The following RUFY3 variants were observed in gnomAD, a reference collection of about 807,000 sequenced individuals.
The protein encoded by RUFY3 is protein RUFY3.
Under a neutral mutation model 84.0 loss-of-function variants are expected in RUFY3, and 34 were observed. The ratio of observed to expected loss-of-function variants is 0.40; its 90% CI spans 0.31 to 0.54. The LOEUF (loss-of-function observed/expected upper bound fraction) is 0.54, where lower values mean the gene tolerates loss of function less well. RUFY3 is among the 20% of genes least tolerant of loss of function. The pLI is 0.39. For missense variants in RUFY3, 507 were observed against 736.8 expected, an observed-to-expected ratio of 0.69 and a Z score of 3.61; for synonymous variants, 242 against 252.9, an observed-to-expected ratio of 0.96 and a Z score of 0.41.
At chr4:70,720,605 T>G (rs915971002), upstream of RUFY3, among the ~76,000 whole-genome samples, 1 of 152,212 alleles carries the variant, frequency 6.6e-6, no homozygotes, top group African/African-American at 2.4e-5. Flanking sequence ...TTAACAATAT[T>G]CAAGGAGAAT....
At chr4:70,793,374 G>A in intron 12 of RUFY3, 2 of 1,028,770 alleles carry the variant, frequency 1.9e-6, no homozygotes, top group Non-Finnish European at 2.3e-6. Context: ...TTCCAGTTAT[G>A]TGTGTAAAAC....
intron 1 of RUFY3, among the ~76,000 whole-genome samples, chr4:70,733,873 A>G (rs1370093209): frequency 1.3e-5 from 2 of 152,218 alleles, no homozygotes; most frequent in Admixed American, 6.5e-5. Context: ...CAAATATTCT[A>G]CAAGAGGACA....
rs546870380 is a variant in RUFY3, at chr4:70,791,081, C to G, written c.1337+1489C>G. The G allele has an allele frequency of 2.4e-5, 17 of 721,710 alleles. No homozygotes were observed. The South Asian group carries it at 2.8e-4, about 12-fold the overall frequency. 44.7% of individuals were successfully genotyped at this position (721,710 alleles called of 1,614,324 possible). On this transcript the variant is annotated intron_variant, in intron 12 of 17. Transcript: ENST00000381006. The stretch of plus-strand genomic sequence containing the variant: ...AAATTTCTTTTCAATGATGTTTTGA[C>G]TTGGAATTTAAAGCAAACAGAAAGA...
In RUFY3 at chr4:70,806,786, C is replaced by G; in HGVS notation, c.*127C>G. The G allele has an allele frequency of 8.4e-7, 1 of 1,192,150 alleles. No homozygotes were observed. The highest frequency in any genetic ancestry group is 1.2e-6 in the Non-Finnish European group (1 of 858,372). 73.8% of individuals were successfully genotyped at this position (1,192,150 alleles called of 1,614,324 possible). ...AAGAGTTGATAGGAATTTACTAGGT[C>G]CAGGGAGAAAAGGCAGTGGTTGGGG... is the stretch of plus-strand genomic sequence containing the variant. On this transcript the variant is annotated 3_prime_UTR_variant, in exon 18 of 18. Coordinates refer to ENST00000381006, the MANE Select transcript of RUFY3 (RefSeq NM_001037442.4).
At chr4:70,735,223 G>A (rs1444052120) in intron 1 of RUFY3, among the ~76,000 whole-genome samples, 1 of 152,114 alleles carries the variant, frequency 6.6e-6, no homozygotes, top group African/African-American at 2.4e-5. Flanking sequence ...TTTTTTGATG[G>A]TGCCCCTCCT....
intron 1 of RUFY3, among the ~76,000 whole-genome samples, chr4:70,741,005 G>A (rs1263294375): frequency 6.6e-6 from 1 of 152,082 alleles, no homozygotes; most frequent in African/African-American, 2.4e-5. Context: ...CTTGATTGTA[G>A]GTTACTGCCT....
At chr4:70,733,896 A>G (rs1004255934) in intron 1 of RUFY3, among the ~76,000 whole-genome samples, 1 of 152,210 alleles carries the variant, frequency 6.6e-6, no homozygotes, top group Non-Finnish European at 1.5e-5. Context: ...TTACTCTAAT[A>G]TGAAAACAAA....
At chr4:70,729,220 T>C (rs997416127) in intron 1 of RUFY3, among the ~76,000 whole-genome samples, 1 of 152,180 alleles carries the variant, frequency 6.6e-6, no homozygotes, top group African/African-American at 2.4e-5. Context: ...TACTCAGTAG[T>C]CATGTGACGT....
intron 12 of RUFY3, chr4:70,792,862 T>C (rs1037727544): frequency 4.2e-5 from 41 of 985,262 alleles, no homozygotes; most frequent in Middle Eastern, 5.2e-4. Flanking sequence ...TTAATTCTTA[T>C]AATTTGCACC....
chr4:70,762,620 C>G lies in RUFY3; in HGVS notation c.280C>G (p.Leu94Val). ...ATCAGCTCTGAACCTGGGGAGGACT[C>G]TTGACTCTGACTATGCACCTCTCCA... ...IESALNLGRTLDSDYAPLQQF... is the reference protein window; with the variant it reads ...IESALNLGRTVDSDYAPLQQF... Residue 94 changes from leucine (L) to valine (V), a missense_variant, in exon 2 of 18, where the codon CTT (leucine) becomes GTT (valine). Physicochemically the swap from Leu to Val is conservative, Grantham distance 32. Coordinates refer to ENST00000381006, the MANE Select transcript of RUFY3 (RefSeq NM_001037442.4). 1 of 1,614,012 alleles carries G rather than the reference C, an allele frequency of 6.2e-7. No homozygotes were observed. The highest frequency in any genetic ancestry group is 8.5e-7 in the Non-Finnish European group (1 of 1,179,990).
chr4:70,717,999 CAGCCTCCTGAGTA>C (rs1741818196), upstream of RUFY3, among the ~76,000 whole-genome samples: 1 of 150,820 alleles, frequency 6.6e-6, no homozygotes, highest in African/African-American at 2.4e-5. Context: ...TCTCCTGCCT[CAGCCTCCTGAGTA>C]GCTGGGATTA....
chr4:70,715,352 G>C (rs1295443502), intron 1 of RUFY3, among the ~76,000 whole-genome samples: 2 of 152,106 alleles, frequency 1.3e-5, no homozygotes, highest in Non-Finnish European at 2.9e-5. Flanking sequence ...GGGAGGCCGA[G>C]GCACGTGGAT....
upstream of RUFY3, among the ~76,000 whole-genome samples, chr4:70,717,029 CA>C (rs1225472028): frequency 6.6e-6 from 1 of 151,860 alleles, no homozygotes; most frequent in Non-Finnish European, 1.5e-5. Flanking sequence ...ACACGAAATT[CA>C]GAAGGTTACC....
intron 1 of RUFY3, among the ~76,000 whole-genome samples, chr4:70,756,154 G>C (rs1469733787): frequency 1.3e-5 from 2 of 152,112 alleles, no homozygotes; most frequent in African/African-American, 4.8e-5. Flanking sequence ...ACTATGTCCA[G>C]ATAGTCAAGC....
At chr4:70,798,571 C>G (rs542661368) in intron 14 of RUFY3, among the ~76,000 whole-genome samples, 141 of 152,194 alleles carry the variant, frequency 9.3e-4, no homozygotes, top group Admixed American at 2.4e-3. Context: ...TGCCTGAGCC[C>G]AGGAGTTTGA....
At chr4:70,758,028 T>G (rs1447393960) in intron 1 of RUFY3, among the ~76,000 whole-genome samples, 1 of 152,214 alleles carries the variant, frequency 6.6e-6, no homozygotes, top group Non-Finnish European at 1.5e-5. Context: ...TAACAGAATC[T>G]TTTTTTACTT....
chr4:70,795,189 A>G (rs1485156816), intron 14 of RUFY3, among the ~76,000 whole-genome samples: 1 of 152,208 alleles, frequency 6.6e-6, no homozygotes, highest in Non-Finnish European at 1.5e-5. Context: ...CTTAACAAAA[A>G]TATATGTTTC....
At chr4:70,732,449 C>T (rs1719428256) in intron 1 of RUFY3, among the ~76,000 whole-genome samples, 1 of 152,176 alleles carries the variant, frequency 6.6e-6, no homozygotes, top group Admixed American at 6.5e-5. Context: ...TGTAAAGACA[C>T]ATGCACACGT....
intron 16 of RUFY3, 129 bp from the exon 17 acceptor site, chr4:70,804,219 T>C (rs1281756146): frequency 1.8e-5 from 12 of 665,626 alleles, no homozygotes; most frequent in Middle Eastern, 2.7e-4. Context: ...ACTACCTATT[T>C]ATAATTGGTT....
Sources: gnomAD v4.1 joint callset for allele counts (sites outside exome capture counted in the v4.1 genomes callset) on GRCh38, gnomAD v4.1.1 for gene constraint, MANE v1.5 for transcripts, NCBI Gene and HGNC (gene_info 2026-07-23, HGNC 2026-07-21) for gene names.